Variants in ZNF804B observed in about 807,000 individuals in gnomAD.
ZNF804B encodes the protein zinc finger protein 804B.
Under a neutral mutation model 101.4 loss-of-function variants are expected in ZNF804B, and 80 were observed. The ratio of observed to expected loss-of-function variants is 0.79; its 90% CI spans 0.66 to 0.95. ZNF804B has a LOEUF of 0.95. Ranked by LOEUF, ZNF804B falls within the 40% of genes least tolerant of loss-of-function variation. The pLI is 0.00. For synonymous variants in ZNF804B, 622 were observed against 558.8 expected (o/e 1.11, Z -1.59); for missense variants, 1,673 against 1,561.9 (o/e 1.07, Z -1.20).
rs545337980 is a variant in ZNF804B, at chr7:89,238,010, C to A, written c.249+19715C>A. 3.9e-5 allele frequency among the ~76,000 whole-genome samples: 6 copies of A among 152,230 alleles called. No homozygotes were observed. In the East Asian group the frequency reaches 9.7e-4, roughly 25 times the overall value. On this transcript the variant is annotated intron_variant, in intron 2 of 3. Coordinates refer to ENST00000333190, the MANE Select transcript of ZNF804B (RefSeq NM_181646.5). ...ACAAATACTAGAGATCTGAGCATAT[C>A]TGTCTGCAGATGGGAAGAATCAAGT...
chr7:89,041,413 C>T (rs191017648), intron 1 of ZNF804B, among the ~76,000 whole-genome samples: 1 of 152,246 alleles, frequency 6.6e-6, no homozygotes, highest in East Asian at 1.9e-4. Flanking sequence ...TGGGACAGGT[C>T]TTAAGCTTGA....
At chr7:89,067,858 C>A (rs1437810451) in intron 1 of ZNF804B, among the ~76,000 whole-genome samples, 1 of 136,898 alleles carries the variant, frequency 7.3e-6, no homozygotes, top group Non-Finnish European at 1.5e-5. Context: ...GAGTCTTACT[C>A]TGTCACCCAG....
At chr7:88,814,254 AG>A (rs1452124349) in intron 1 of ZNF804B, among the ~76,000 whole-genome samples, 1 of 152,186 alleles carries the variant, frequency 6.6e-6, no homozygotes, top group Admixed American at 6.5e-5. Flanking sequence ...AGCTTTAAAA[AG>A]GTGTACATCT....
intron 1 of ZNF804B, among the ~76,000 whole-genome samples, chr7:88,943,132 C>T (rs1200363265): frequency 6.6e-6 from 1 of 151,892 alleles, no homozygotes; most frequent in Non-Finnish European, 1.5e-5. Context: ...TTTCTCTCTG[C>T]TTAGCTTTCG....
At chr7:88,854,252 A>G (rs1791494599) in intron 1 of ZNF804B, among the ~76,000 whole-genome samples, 1 of 152,126 alleles carries the variant, frequency 6.6e-6, no homozygotes, top group African/African-American at 2.4e-5. Flanking sequence ...TTCATTTTAT[A>G]TGTACAAAAC....
intron 1 of ZNF804B, among the ~76,000 whole-genome samples, chr7:88,769,495 A>C (rs1274489466): frequency 6.6e-6 from 1 of 152,176 alleles, no homozygotes; most frequent in Admixed American, 6.5e-5. Flanking sequence ...GAAACTGAAG[A>C]CTGGTATATA....
chr7:88,982,019 A>T (rs541016876), intron 1 of ZNF804B, among the ~76,000 whole-genome samples: 2 of 151,906 alleles, frequency 1.3e-5, no homozygotes, highest in East Asian at 3.9e-4. Flanking sequence ...TTTGTTTTTT[A>T]TTCTCGGGAG....
chr7:88,976,061 T>C (rs1156845728), intron 1 of ZNF804B, among the ~76,000 whole-genome samples: 2 of 151,752 alleles, frequency 1.3e-5, no homozygotes, highest in African/African-American at 4.8e-5. Context: ...GGTACCTTTG[T>C]TGAAAATGAG....
intron 1 of ZNF804B, among the ~76,000 whole-genome samples, chr7:88,942,203 A>G (rs1356854938): frequency 1.3e-5 from 2 of 151,920 alleles, no homozygotes; most frequent in African/African-American, 4.8e-5. Flanking sequence ...CCCCAAATTC[A>G]TCAAGATTTT....
intron 1 of ZNF804B, among the ~76,000 whole-genome samples, chr7:89,066,001 A>G (rs764941373): frequency 6.2e-4 from 94 of 152,134 alleles, no homozygotes; most frequent in Non-Finnish European, 1.6e-4. Context: ...GGGAACCATT[A>G]TTCTGCCCAC....
intron 1 of ZNF804B, among the ~76,000 whole-genome samples, chr7:89,135,770 C>A (rs1290002769): frequency 6.6e-6 from 1 of 152,032 alleles, no homozygotes; most frequent in African/African-American, 2.4e-5. Context: ...CTCTTGTCTA[C>A]TTTAGGCATC....
intron 1 of ZNF804B, among the ~76,000 whole-genome samples, chr7:89,196,150 A>G (rs1177739083): frequency 6.6e-6 from 1 of 152,182 alleles, no homozygotes; most frequent in East Asian, 1.9e-4. Flanking sequence ...CCTGACTTCA[A>G]ACTATACTTC....
intron 1 of ZNF804B, among the ~76,000 whole-genome samples, chr7:88,926,943 C>G (rs200072468): frequency 0.25 from 36,107 of 142,126 alleles, 6,320 homozygotes; most frequent in East Asian, 0.54. Context: ...TGGTGGGGAG[C>G]GGGGGGAAAG....
chr7:89,248,136 C>T (rs1562927634), intron 2 of ZNF804B, among the ~76,000 whole-genome samples: 1 of 152,116 alleles, frequency 6.6e-6, no homozygotes. Context: ...GAATTCCTGG[C>T]ATTCCTGAAA....
At chr7:88,997,043 G>A (rs1229562706) in intron 1 of ZNF804B, among the ~76,000 whole-genome samples, 1 of 152,046 alleles carries the variant, frequency 6.6e-6, no homozygotes. Flanking sequence ...TTACTTCTTA[G>A]AAATATTTGC....
intron 1 of ZNF804B, among the ~76,000 whole-genome samples, chr7:88,924,874 C>T (rs1052217246): frequency 2.0e-5 from 3 of 152,134 alleles, no homozygotes; most frequent in Non-Finnish European, 4.4e-5. Context: ...CTGCCTAGTA[C>T]ACAGTAAATA....
At chr7:89,130,086 A>G (rs529417498) in intron 1 of ZNF804B, among the ~76,000 whole-genome samples, 3 of 152,090 alleles carry the variant, frequency 2.0e-5, no homozygotes, top group African/African-American at 7.2e-5. Context: ...AGGGTTATAC[A>G]GAGATTAGTG....
intron 1 of ZNF804B, among the ~76,000 whole-genome samples, chr7:89,165,740 C>T (rs1017606204): frequency 4.0e-5 from 6 of 151,896 alleles, no homozygotes; most frequent in African/African-American, 9.7e-5. Context: ...GTTTAGACTC[C>T]GGGAACCAGA....
At chr7:89,060,461 TG>T (rs1310275619) in intron 1 of ZNF804B, among the ~76,000 whole-genome samples, 1 of 152,118 alleles carries the variant, frequency 6.6e-6, no homozygotes, top group African/African-American at 2.4e-5. Context: ...TTAATTGAAA[TG>T]GCAGAGCAAT....
Sources: allele counts gnomAD v4.1 joint callset (sites outside exome capture counted in the v4.1 genomes callset), GRCh38; gene constraint gnomAD v4.1.1; transcripts MANE v1.5; gene names NCBI Gene and HGNC (gene_info 2026-07-23, HGNC 2026-07-21).